The following RNF180 variants were observed in gnomAD, a reference collection of about 807,000 sequenced individuals.
RNF180 encodes E3 ubiquitin-protein ligase RNF180.
In RNF180, 38 loss-of-function variants were observed where a neutral mutation model predicts 59.2. The observed-to-expected ratio is 0.64, with a 90% confidence interval of 0.50 to 0.84. The LOEUF is 0.84. Among genes scored for constraint, RNF180 ranks in the 40% least tolerant of loss-of-function variants. The pLI is 0.00. For synonymous variants in RNF180, 262 were observed against 240.3 expected (o/e 1.09, Z -0.84); for missense variants, 705 against 700.9 (o/e 1.01, Z -0.07).
chr5:64,363,449 G>C (rs962284897), intron 7 of RNF180, among the ~76,000 whole-genome samples: 4 of 149,322 alleles, frequency 2.7e-5, no homozygotes, highest in African/African-American at 9.7e-5. Context: ...TCCATTGATC[G>C]CTATTTTTGT....
chr5:64,250,926 T>A (rs1743531476), intron 5 of RNF180, among the ~76,000 whole-genome samples: 2 of 152,056 alleles, frequency 1.3e-5, no homozygotes, highest in African/African-American at 4.8e-5. Context: ...TACAGTCCAA[T>A]AAAGCTGACG....
intron 5 of RNF180, among the ~76,000 whole-genome samples, chr5:64,313,893 A>G (rs1407573149): frequency 6.6e-6 from 1 of 152,076 alleles, no homozygotes; most frequent in African/African-American, 2.4e-5. Flanking sequence ...ATTTGCATTT[A>G]TCTAATGATT....
chr5:64,355,511 C>A (rs1200990054), intron 7 of RNF180, among the ~76,000 whole-genome samples: 7 of 151,818 alleles, frequency 4.6e-5, no homozygotes, highest in African/African-American at 1.7e-4. Flanking sequence ...AGATTTAACA[C>A]AATTTCTATC....
intron 5 of RNF180, among the ~76,000 whole-genome samples, chr5:64,323,539 A>AAATAATAAT (rs562456168): frequency 4.0e-5 from 6 of 151,768 alleles, no homozygotes; most frequent in African/African-American, 1.5e-4. Context: ...CTCGGTGTCA[A>AAATAATAAT]AATAATAATA....
intron 7 of RNF180, among the ~76,000 whole-genome samples, chr5:64,342,868 T>C (rs1468336571): frequency 6.6e-6 from 1 of 152,116 alleles, no homozygotes; most frequent in Admixed American, 6.6e-5. Context: ...ATTAAAGAAA[T>C]GAGGCAGCAA....
intron 5 of RNF180, among the ~76,000 whole-genome samples, chr5:64,285,522 G>C (rs1309978364): frequency 6.6e-6 from 1 of 151,972 alleles, no homozygotes; most frequent in African/African-American, 2.4e-5. Flanking sequence ...TAGACCACAG[G>C]TGGACAGGTG....
intron 1 of RNF180, among the ~76,000 whole-genome samples, chr5:64,175,102 G>T (rs1303999300): frequency 5.3e-5 from 8 of 151,570 alleles, no homozygotes; most frequent in Non-Finnish European, 1.0e-4. Flanking sequence ...CAAATAGCTG[G>T]GATTACAGGC....
intron 5 of RNF180, among the ~76,000 whole-genome samples, chr5:64,228,357 A>G (rs1741899264): frequency 2.6e-5 from 4 of 152,042 alleles, no homozygotes. Context: ...TCTACAAAAA[A>G]TGTATACTTA....
intron 2 of RNF180, among the ~76,000 whole-genome samples, chr5:64,209,964 G>A (rs1227770936): frequency 6.6e-6 from 1 of 152,016 alleles, no homozygotes; most frequent in African/African-American, 2.4e-5. Context: ...CTTCCAATAG[G>A]TTTCCCAAGT....
At chr5:64,188,636 G>A (rs1397474907) in intron 1 of RNF180, among the ~76,000 whole-genome samples, 1 of 152,128 alleles carries the variant, frequency 6.6e-6, no homozygotes, top group Non-Finnish European at 1.5e-5. Flanking sequence ...GGAGCTCTAA[G>A]TTCTTTGGTC....
At chr5:64,342,260 A>T (rs942916471) in intron 7 of RNF180, among the ~76,000 whole-genome samples, 2 of 152,166 alleles carry the variant, frequency 1.3e-5, no homozygotes, top group African/African-American at 4.8e-5. Context: ...GACTAGGTGA[A>T]TTAAAACTCC....
intron 5 of RNF180, among the ~76,000 whole-genome samples, chr5:64,242,464 A>G (rs1201995355): frequency 6.6e-6 from 1 of 152,206 alleles, no homozygotes; most frequent in East Asian, 1.9e-4. Context: ...TGAACCTCAG[A>G]AAATACAGAG....
chr5:64,324,116 C>A (rs183706008), intron 5 of RNF180, among the ~76,000 whole-genome samples: 1 of 152,322 alleles, frequency 6.6e-6, no homozygotes, highest in Admixed American at 6.5e-5. Flanking sequence ...TTTCTGATCA[C>A]AAAAGCATCA....
chr5:64,181,502 G>C (rs982495240), intron 1 of RNF180, among the ~76,000 whole-genome samples: 3 of 152,174 alleles, frequency 2.0e-5, no homozygotes, highest in Non-Finnish European at 2.9e-5. Context: ...AGGCAATAAA[G>C]GGTATTGAAA....
intron 7 of RNF180, among the ~76,000 whole-genome samples, chr5:64,344,480 A>T (rs961776955): frequency 1.3e-5 from 2 of 152,170 alleles, no homozygotes; most frequent in South Asian, 2.1e-4. Context: ...AAATAAATCT[A>T]CTATCACACT....
At chr5:64,221,408 T>C (rs534670776) in intron 5 of RNF180, among the ~76,000 whole-genome samples, 1 of 152,296 alleles carries the variant, frequency 6.6e-6, no homozygotes, top group South Asian at 2.1e-4. Context: ...TTTAGTCATA[T>C]ATTGAAACAG....
chr5:64,298,549 T>C (rs1214359712), intron 5 of RNF180, among the ~76,000 whole-genome samples: 1 of 152,058 alleles, frequency 6.6e-6, no homozygotes, highest in African/African-American at 2.4e-5. Flanking sequence ...AAATAGAATA[T>C]AATGCCTTAT....
chr5:64,199,526 A>G (rs1188458979), intron 1 of RNF180, among the ~76,000 whole-genome samples: 1 of 152,164 alleles, frequency 6.6e-6, no homozygotes, highest in East Asian at 1.9e-4. Flanking sequence ...TCTATGTGCT[A>G]CAGTTGAAAA....
intron 6 of RNF180, 98 bp downstream of exon 6, chr5:64,325,509 T>C (rs1262631383): frequency 1.2e-6 from 1 of 855,978 alleles, no homozygotes; most frequent in African/African-American, 1.7e-5. Context: ...AAATCACATA[T>C]ACCATAATTT....
Sources: gnomAD v4.1 joint callset for allele counts (sites outside exome capture counted in the v4.1 genomes callset) on GRCh38, gnomAD v4.1.1 for gene constraint, MANE v1.5 for transcripts, NCBI Gene and HGNC (gene_info 2026-07-23, HGNC 2026-07-21) for gene names.